Variants in LRP8 observed in about 807,000 individuals in gnomAD.
LRP8 encodes LDL receptor related protein 8.
In LRP8, 46 loss-of-function variants were observed where a neutral mutation model predicts 111.6. The ratio of observed to expected loss-of-function variants is 0.41; its 90% CI spans 0.33 to 0.53. LRP8 has a LOEUF of 0.53. LRP8 is among the 20% of genes least tolerant of loss of function. The pLI is 0.20. For synonymous variants in LRP8, 464 were observed against 511.2 expected (o/e 0.91, Z 1.24); for missense variants, 959 against 1,297.4 (o/e 0.74, Z 4.01).
chr1:53,255,078 G>C, intron 16 of LRP8, 39 bp downstream of exon 16: 1 of 1,605,640 alleles, frequency 6.2e-7, no homozygotes. Context: ...CCTAAGCAGG[G>C]TCTCTCTTTT....
chr1:53,317,635 CACAGG>C lies in LRP8; in HGVS notation c.244+9233_244+9237del, dbSNP rs1653977158. On this transcript the variant is annotated intron_variant, in intron 2 of 18. Transcript: ENST00000306052. This position sits in a 1 kb window ranked among gnomAD's most constrained non-coding sequence, Gnocchi z 4.9. ...ACTCAGCCATTCCCTGTGCAGGAATCACAGGCTCAGGAAGGGAAGGGAAACGCTCA... is the reference window on the plus strand; with the variant it reads ...ACTCAGCCATTCCCTGTGCAGGAATCCTCAGGAAGGGAAGGGAAACGCTCA... 6.6e-6 allele frequency among the ~76,000 whole-genome samples: 1 copy of C among 152,182 alleles called. No individual in the cohort carries two copies. Among genetic ancestry groups the C allele is most frequent in the Non-Finnish European group, 1.5e-5 (1 of 68,016 alleles).
chr1:53,275,358 G>A lies in LRP8; in HGVS notation c.1006+273C>T, dbSNP rs1646885283. Reference sequence around the variant, plus strand: ...GTGAGGGAAGCCACTCACCAGCTGGGACCTGGACAAGTGGTGGGGGCTGGA... The same window carrying A: ...GTGAGGGAAGCCACTCACCAGCTGGAACCTGGACAAGTGGTGGGGGCTGGA... On this transcript the variant is annotated intron_variant, in intron 6 of 18. Transcript: ENST00000306052. This position sits in a 1 kb window ranked among gnomAD's most constrained non-coding sequence, Gnocchi z 4.4. Among the ~76,000 whole-genome samples, 1 of 152,180 alleles carries A rather than the reference G, an allele frequency of 6.6e-6. No homozygotes were observed.
intron 3 of LRP8, among the ~76,000 whole-genome samples, chr1:53,282,744 C>A (rs557582918): frequency 2.0e-4 from 30 of 152,310 alleles, no homozygotes. Flanking sequence ...AGGGGATTCC[C>A]ATGCACCTCT....
At chr1:53,260,356 T>G in intron 13 of LRP8, 108 bp downstream of exon 13, 1 of 941,704 alleles carries the variant, frequency 1.1e-6, no homozygotes, top group Non-Finnish European at 1.7e-6. Context: ...TTATTATTCC[T>G]GGGGTTGCTG....
chr1:53,316,556 G>C (rs1318496396), intron 2 of LRP8, among the ~76,000 whole-genome samples: 2 of 152,184 alleles, frequency 1.3e-5, no homozygotes, highest in Non-Finnish European at 2.9e-5. Context: ...TTCCAGCCCT[G>C]GGCCTCAGAG....
Position 53,275,839 on chromosome 1 carries a change from C to A in LRP8, c.884-86G>T. ...ACCACCCCAATCCCCATGCCATAGC[C>A]ACCCCCAGCAAAAACAGAACCAGTG... On this transcript the variant is annotated intron_variant, in intron 5 of 18. Transcript: ENST00000306052. The surrounding 1 kb of genome is among the most constrained non-coding windows in gnomAD (Gnocchi z 4.4). The A allele has an allele frequency of 6.7e-7, 1 of 1,502,442 alleles. No individual in the cohort carries two copies. The highest frequency in any genetic ancestry group is 1.3e-5 in the South Asian group (1 of 77,732). 93.1% of individuals were successfully genotyped at this position (1,502,442 alleles called of 1,614,324 possible).
In LRP8 at chr1:53,328,039, T is replaced by A. The variant is rs1340241530; in HGVS notation, c.-127A>T. 2.6e-6 allele frequency: 1 copy of A among 378,238 alleles called. No individual in the cohort carries two copies. Among genetic ancestry groups the A allele is most frequent in the African/African-American group, 2.3e-5 (1 of 44,256 alleles). The allele number at this position is 378,238 out of a possible 1,614,324, so 23.4% of individuals were successfully genotyped here. ...CCCCCGCCGCCGCCGCCGCCGCCGCTGCCGCCCGCCCCGGCTCCTCGGCTG... is the reference window on the plus strand; with the variant it reads ...CCCCCGCCGCCGCCGCCGCCGCCGCAGCCGCCCGCCCCGGCTCCTCGGCTG... On this transcript the variant is annotated 5_prime_UTR_variant, in exon 1 of 19. Transcript: ENST00000306052.
intron 15 of LRP8, among the ~76,000 whole-genome samples, chr1:53,255,615 T>G (rs1646055892): frequency 6.6e-6 from 1 of 152,196 alleles, no homozygotes; most frequent in South Asian, 2.1e-4. Flanking sequence ...TTGTTTTTTG[T>G]GAACTGTCTG....
At chr1:53,301,730 TAA>T (rs34765403) in intron 2 of LRP8, among the ~76,000 whole-genome samples, 4 of 144,444 alleles carry the variant, frequency 2.8e-5, no homozygotes, top group African/African-American at 5.1e-5. Flanking sequence ...AACCCTGTCT[TAA>T]AAAAAAAAAA....
At position 53,328,012 on chromosome 1, in the gene LRP8, T is replaced by G; in HGVS notation, c.-100A>C. On this transcript the variant is annotated 5_prime_UTR_variant, in exon 1 of 19. Coordinates refer to ENST00000306052, the MANE Select transcript of LRP8 (RefSeq NM_004631.5). Reference sequence around the variant, plus strand: ...CTTGCCGCGGCGCCGGGGTTGCCGCTGCCCCCGCCGCCGCCGCCGCCGCCG... The same window carrying G: ...CTTGCCGCGGCGCCGGGGTTGCCGCGGCCCCCGCCGCCGCCGCCGCCGCCG... 4.2e-6 allele frequency: 3 copies of G among 722,316 alleles called. No individual in the cohort carries two copies. Among genetic ancestry groups the G allele is most frequent in the Non-Finnish European group, 5.1e-6 (3 of 592,412 alleles). 44.7% of individuals were successfully genotyped at this position (722,316 alleles called of 1,614,324 possible). A position where few individuals can be genotyped will look rare whatever the true frequency, so the allele number is the denominator to read the frequency against.
At chr1:53,257,728 A>G (rs1646155741) in intron 14 of LRP8, among the ~76,000 whole-genome samples, 1 of 152,220 alleles carries the variant, frequency 6.6e-6, no homozygotes, top group Non-Finnish European at 1.5e-5. Context: ...TAGGGAGGGG[A>G]AATCAGATAA....
intron 2 of LRP8, among the ~76,000 whole-genome samples, chr1:53,298,179 G>A (rs2297824): frequency 0.16 from 24,653 of 152,190 alleles, 2,782 homozygotes; most frequent in African/African-American, 0.31. Flanking sequence ...AGATACTGCC[G>A]GACCCTGGCC....
Position 53,262,617 on chromosome 1 carries a change from G to A in LRP8, c.1656-53C>T, listed in dbSNP as rs2100379632. ...TTCTTGCTGGGGACATGACCGGGGT[G>A]GTCTGAGTCACAAGAGCTCAATAAC... On this transcript the variant is annotated intron_variant, in intron 10 of 18. Coordinates refer to ENST00000306052, the MANE Select transcript of LRP8 (RefSeq NM_004631.5). This position sits in a 1 kb window ranked among gnomAD's most constrained non-coding sequence, Gnocchi z 4.8. 7.0e-7 allele frequency: 1 copy of A among 1,432,142 alleles called. No homozygotes were observed. The highest frequency in any genetic ancestry group is 9.8e-7 in the Non-Finnish European group (1 of 1,017,052). The allele number at this position is 1,432,142 out of a possible 1,614,324, so 88.7% of individuals were successfully genotyped here.
At position 53,258,406 on chromosome 1, in the gene LRP8, G is replaced by C. The variant is rs760536294; in HGVS notation, c.2122C>G (p.Pro708Ala). ...TTGGGAGAGTGGCTGGAGATCTGAG[G>C]AGCAGGAAGGCACAGGTATTCACAG... ...GGCEYLCLPA[P>A]QISSHSPKYT... The change falls in exon 14 of 19, where the codon CCT (proline) becomes GCT (alanine). Residue 708 changes from proline (P) to alanine (A), a missense_variant. Physicochemically the swap from Pro to Ala is conservative, Grantham distance 27 (BLOSUM62 -1). Transcript: ENST00000306052. The C allele has an allele frequency of 1.2e-6, 2 of 1,614,074 alleles. No individual in the cohort carries two copies. The highest frequency in any genetic ancestry group is 1.7e-5 in the Admixed American group (1 of 60,008).
Position 53,244,734 on chromosome 1 carries a change from C to T in LRP8, c.*2284G>A, listed in dbSNP as rs1645694223. On this transcript the variant is annotated 3_prime_UTR_variant, in exon 19 of 19. Transcript: ENST00000306052. ...CTTACTGAAAGTTTAGAAACTATGC[C>T]TTAGCCACTGTTATCATTTAATTCC... is the stretch of plus-strand genomic sequence containing the variant. 1 of 152,176 alleles carries T rather than the reference C, an allele frequency of 6.6e-6. No homozygotes were observed. The highest frequency in any genetic ancestry group is 1.5e-5 in the Non-Finnish European group (1 of 68,034). 9.4% of individuals were successfully genotyped at this position (152,176 alleles called of 1,614,324 possible).
chr1:53,311,098 C>T (rs1322668831), intron 2 of LRP8, among the ~76,000 whole-genome samples: 1 of 152,182 alleles, frequency 6.6e-6, no homozygotes, highest in African/African-American at 2.4e-5. Flanking sequence ...AGACCCCAGC[C>T]TGCTCTGAGC....
chr1:53,300,397 T>A (rs1384308140), intron 2 of LRP8, among the ~76,000 whole-genome samples: 3 of 152,086 alleles, frequency 2.0e-5, no homozygotes, highest in Non-Finnish European at 2.9e-5. Context: ...AATGAGTGGA[T>A]CCCAGCCCAG....
At position 53,249,405 on chromosome 1, in the gene LRP8, GA is replaced by G; in HGVS notation, c.2827del (p.Ser943ProfsTer13). The G allele has an allele frequency of 6.2e-7, 1 of 1,614,228 alleles. No homozygotes were observed. The highest frequency in any genetic ancestry group is 8.5e-7 in the Non-Finnish European group (1 of 1,180,024). ...CTTGGATTTGACGACAGGCAGCTCGGAAAGAGGGTTCTTCGGGAGTTGGTGC... is the reference window on the plus strand; with the variant it reads ...CTTGGATTTGACGACAGGCAGCTCGGAAGAGGGTTCTTCGGGAGTTGGTGC... The part of the protein sequence containing the change: ...QLHQLPKNPL[S>X]ELPVVKSKRV... On this transcript the variant is annotated frameshift_variant, in exon 18 of 19. Coordinates refer to ENST00000306052, the MANE Select transcript of LRP8 (RefSeq NM_004631.5). LOFTEE classifies it high-confidence loss of function. The surrounding 1 kb of genome is among the most constrained non-coding windows in gnomAD (Gnocchi z 4.1).
At chr1:53,263,668 T>C (rs1338780950) in intron 10 of LRP8, among the ~76,000 whole-genome samples, 1 of 152,118 alleles carries the variant, frequency 6.6e-6, no homozygotes, top group Non-Finnish European at 1.5e-5. Context: ...TCTTGCTGGC[T>C]CTCTCACAGG....
Sources: gnomAD v4.1 joint callset for allele counts (sites outside exome capture counted in the v4.1 genomes callset) on GRCh38, gnomAD v4.1.1 for gene constraint, Gnocchi (gnomAD v3.1) non-coding constraint, MANE v1.5 for transcripts, NCBI Gene and HGNC (gene_info 2026-07-23, HGNC 2026-07-21) for gene names.